SUGCT: variants seen among roughly 807,000 people sequenced by gnomAD.
The protein encoded by SUGCT is succinyl-CoA:glutarate CoA-transferase.
SUGCT carries 41 observed loss-of-function variants against 55.0 expected under a neutral mutation model. The ratio of observed to expected loss-of-function variants is 0.74; its 90% CI spans 0.58 to 0.97. The LOEUF is 0.97. Ranked by LOEUF, SUGCT falls within the 50% of genes least tolerant of loss-of-function variation. SUGCT has a pLI of 0.00. For synonymous variants in SUGCT, 187 were observed against 200.4 expected, an observed-to-expected ratio of 0.93 and a Z score of 0.56; for missense variants, 568 against 547.8, an observed-to-expected ratio of 1.04 and a Z score of -0.37.
chr7:40,907,096 AGTGTGT>A, the SUGCT span, among the ~76,000 whole-genome samples: 196 of 101,724 alleles, frequency 1.9e-3, 2 homozygotes, highest in African/African-American at 6.1e-3. Context: ...TTGTTCTGAT[AGTGTGT>A]GTGTGTGTGT....
At chr7:40,174,732 C>T (rs1388184730) in intron 1 of SUGCT, among the ~76,000 whole-genome samples, 1 of 152,126 alleles carries the variant, frequency 6.6e-6, no homozygotes, top group Non-Finnish European at 1.5e-5. Flanking sequence ...ATTTTTATAC[C>T]TATGTCTTAG....
the SUGCT span, among the ~76,000 whole-genome samples, chr7:41,028,319 G>T: frequency 6.6e-6 from 1 of 152,100 alleles, no homozygotes; most frequent in African/African-American, 2.4e-5. Context: ...AAATAAAGTC[G>T]CTAGAATTTA....
intron 1 of SUGCT, chr7:40,151,486 G>T (rs1413991920): frequency 1.3e-5 from 2 of 154,616 alleles, no homozygotes; most frequent in Non-Finnish European, 2.9e-5. Flanking sequence ...TTGAATCAGT[G>T]TTAAACACTA....
intron 9 of SUGCT, among the ~76,000 whole-genome samples, chr7:40,448,732 A>C (rs1462750774): frequency 1.3e-5 from 2 of 152,050 alleles, no homozygotes; most frequent in African/African-American, 4.8e-5. Flanking sequence ...GTAGTCCCAG[A>C]TACACAGGAG....
At chr7:40,293,990 C>G (rs1172350139) in intron 8 of SUGCT, among the ~76,000 whole-genome samples, 1 of 152,020 alleles carries the variant, frequency 6.6e-6, no homozygotes, top group Non-Finnish European at 1.5e-5. Flanking sequence ...CTCTGTTGCT[C>G]AGACTGGAGT....
the SUGCT span, among the ~76,000 whole-genome samples, chr7:40,967,721 C>T: frequency 3.3e-5 from 5 of 151,930 alleles, no homozygotes; most frequent in Non-Finnish European, 5.9e-5. Context: ...CCCGGGTTCA[C>T]GCCATTCTCC....
At chr7:40,227,201 C>T (rs1462474609) in intron 6 of SUGCT, among the ~76,000 whole-genome samples, 1 of 151,858 alleles carries the variant, frequency 6.6e-6, no homozygotes, top group East Asian at 1.9e-4. Flanking sequence ...CACCCGCCAC[C>T]ACGCCTGGCT....
chr7:40,647,449 CTTA>C (rs1481748177), intron 12 of SUGCT, among the ~76,000 whole-genome samples: 3 of 152,182 alleles, frequency 2.0e-5, no homozygotes, highest in Non-Finnish European at 4.4e-5. Context: ...AAGCAGTTGA[CTTA>C]TTATTCTTAT....
At chr7:40,790,132 C>T (rs925675078) in intron 13 of SUGCT, among the ~76,000 whole-genome samples, 6 of 152,180 alleles carry the variant, frequency 3.9e-5, no homozygotes, top group Admixed American at 1.3e-4. Context: ...TTGAATTAAT[C>T]GTAGTTCCCA....
the SUGCT span, among the ~76,000 whole-genome samples, chr7:40,959,924 G>A: frequency 2.6e-5 from 4 of 152,146 alleles, no homozygotes; most frequent in Admixed American, 2.6e-4. Context: ...TTGGCTAGGG[G>A]AGGGAGTTCC....
chr7:40,292,628 C>A (rs947126083), intron 8 of SUGCT, among the ~76,000 whole-genome samples: 2 of 152,106 alleles, frequency 1.3e-5, no homozygotes, highest in African/African-American at 4.8e-5. Flanking sequence ...TCTCCTTTTG[C>A]CTTCTGCTAA....
intron 9 of SUGCT, among the ~76,000 whole-genome samples, chr7:40,334,022 G>A (rs1317039982): frequency 1.3e-5 from 2 of 151,896 alleles, no homozygotes; most frequent in South Asian, 2.1e-4. Context: ...TTGTCCTTGC[G>A]ATAGTTTGCT....
At chr7:40,174,212 G>A (rs1047519367) in intron 1 of SUGCT, among the ~76,000 whole-genome samples, 2 of 151,938 alleles carry the variant, frequency 1.3e-5, no homozygotes, top group African/African-American at 4.8e-5. Flanking sequence ...TAATAGAGAC[G>A]GGGTTTTGCC....
chr7:40,302,006 C>T (rs927473201), intron 8 of SUGCT, among the ~76,000 whole-genome samples: 2 of 152,126 alleles, frequency 1.3e-5, no homozygotes, highest in Non-Finnish European at 2.9e-5. Flanking sequence ...TCATGAATAA[C>T]CTTTACTTGA....
chr7:40,881,570 G>T, the SUGCT span, among the ~76,000 whole-genome samples: 1 of 152,204 alleles, frequency 6.6e-6, no homozygotes, highest in African/African-American at 2.4e-5. Flanking sequence ...GGAGATGGGG[G>T]TGGCCCCATA....
At chr7:40,341,110 AT>A (rs779011550) in intron 9 of SUGCT, among the ~76,000 whole-genome samples, 3 of 152,220 alleles carry the variant, frequency 2.0e-5, no homozygotes, top group Non-Finnish European at 4.4e-5. Flanking sequence ...GTATTAGTGA[AT>A]TCTTGTTTAC....
At chr7:40,276,474 G>T (rs774487208) in intron 8 of SUGCT, among the ~76,000 whole-genome samples, 6 of 152,142 alleles carry the variant, frequency 3.9e-5, no homozygotes, top group Non-Finnish European at 8.8e-5. Flanking sequence ...TCCACAGGAG[G>T]CCCTATAGTT....
chr7:40,257,757 C>G (rs1790909758), intron 7 of SUGCT, among the ~76,000 whole-genome samples: 1 of 152,006 alleles, frequency 6.6e-6, no homozygotes, highest in African/African-American at 2.4e-5. Context: ...TGCTTGTAAT[C>G]CTGCTACTCG....
intron 12 of SUGCT, among the ~76,000 whole-genome samples, chr7:40,672,261 T>C (rs1025780325): frequency 6.6e-6 from 1 of 152,156 alleles, no homozygotes; most frequent in Non-Finnish European, 1.5e-5. Flanking sequence ...ATCTTAAGAG[T>C]TGACATCAGA....
Sources: allele counts gnomAD v4.1 joint callset (sites outside exome capture counted in the v4.1 genomes callset), GRCh38; gene constraint gnomAD v4.1.1; transcripts MANE v1.5; gene names NCBI Gene and HGNC (gene_info 2026-07-23, HGNC 2026-07-21).